Variants in SVEP1 observed in about 807,000 individuals in gnomAD.
SVEP1 encodes sushi, von Willebrand factor type A, EGF and pentraxin domain-containing protein 1.
Under a neutral mutation model 367.3 loss-of-function variants are expected in SVEP1, and 164 were observed. The ratio of observed to expected loss-of-function variants is 0.45; its 90% CI spans 0.39 to 0.51. The LOEUF (loss-of-function observed/expected upper bound fraction) is 0.51, where lower values mean the gene tolerates loss of function less well. Among genes scored for constraint, SVEP1 ranks in the 20% least tolerant of loss-of-function variants. SVEP1 has a pLI of 0.00. For synonymous variants in SVEP1, 1,666 were observed against 1,611.6 expected (o/e 1.03, Z -0.81); for missense variants, 4,117 against 4,425.3 (o/e 0.93, Z 1.98).
At chr9:110,457,427 G>T in intron 20 of SVEP1, 75 bp from the exon 21 acceptor site, 1 of 1,195,966 alleles carries the variant, frequency 8.4e-7, no homozygotes, top group Non-Finnish European at 1.2e-6. Context: ...TTAGAGTCAG[G>T]TTTGCAACAT....
intron 17 of SVEP1, among the ~76,000 whole-genome samples, chr9:110,467,562 G>C (rs1828956058): frequency 6.6e-6 from 1 of 152,016 alleles, no homozygotes; most frequent in Non-Finnish European, 1.5e-5. Flanking sequence ...CGTACCCCTG[G>C]GGCTGTTCTA....
At chr9:110,559,706 T>C (rs56801941) in intron 1 of SVEP1, among the ~76,000 whole-genome samples, 16,286 of 152,116 alleles carry the variant, frequency 0.11, 1,079 homozygotes, top group East Asian at 0.33. Context: ...CAGCTAAGAA[T>C]ATGTTAAGGA....
chr9:110,436,556 T>C, intron 27 of SVEP1, 52 bp from the exon 28 acceptor site: 2 of 1,567,138 alleles, frequency 1.3e-6, no homozygotes, highest in South Asian at 2.3e-5. Context: ...TGATGGTCTG[T>C]TATTCCTAAA....
intron 23 of SVEP1, among the ~76,000 whole-genome samples, chr9:110,451,083 T>C (rs1588059729): frequency 1.3e-5 from 2 of 152,144 alleles, no homozygotes; most frequent in South Asian, 4.1e-4. Context: ...TGCTGAACCA[T>C]TTGAGAGTAA....
At chr9:110,456,000 A>G (rs1207594856) in intron 21 of SVEP1, among the ~76,000 whole-genome samples, 1 of 152,198 alleles carries the variant, frequency 6.6e-6, no homozygotes, top group Non-Finnish European at 1.5e-5. Flanking sequence ...GCTAATTTCA[A>G]AGTGAAAGTT....
rs556908000 is a variant in SVEP1, at chr9:110,497,724, A to G, written c.1682-791T>C. ...TGAATTAGACGTGCTAACGTTACAC[A>G]GATGCACGCCAGTTATGGTAGTGCT... On this transcript the variant is annotated intron_variant, in intron 7 of 47. Coordinates refer to ENST00000374469, the MANE Select transcript of SVEP1 (RefSeq NM_153366.4). Among the ~76,000 whole-genome samples the G allele has an allele frequency of 2.6e-5, 4 of 152,384 alleles. No individual in the cohort carries two copies. The South Asian group carries it at 8.3e-4, about 32-fold the overall frequency.
Position 110,482,479 on chromosome 9 carries a change from G to T in SVEP1, c.2052C>A (p.Val684=). Residue 684 remains valine (V), a synonymous_variant, in exon 11 of 48, where the codon GTC becomes GTA. Transcript: ENST00000374469. ...QFSDNSGAEL[V]ITRSHTQGDL... ...CTCCTTGTGTATGACTTCTGGTAAT[G>T]ACCAATTCAGCCCCTGGAAAGGAAA... is the stretch of plus-strand genomic sequence containing the variant. The T allele has an allele frequency of 6.4e-7, 1 of 1,572,262 alleles. No individual in the cohort carries two copies. The highest frequency in any genetic ancestry group is 1.2e-5 in the South Asian group (1 of 86,184).
At chr9:110,575,584 C>T (rs2118891898) in intron 1 of SVEP1, among the ~76,000 whole-genome samples, 1 of 152,214 alleles carries the variant, frequency 6.6e-6, no homozygotes, top group East Asian at 1.9e-4. Flanking sequence ...CTATTTATCT[C>T]TTAAAGGCAA....
chr9:110,543,616 T>C (rs10122923), intron 3 of SVEP1, among the ~76,000 whole-genome samples: 8 of 152,300 alleles, frequency 5.3e-5, no homozygotes, highest in African/African-American at 1.9e-4. Context: ...AAAATTCTAG[T>C]GCTGTGGAAC....
chr9:110,394,642 C>A (rs1478629254), intron 40 of SVEP1, among the ~76,000 whole-genome samples: 1 of 152,096 alleles, frequency 6.6e-6, no homozygotes, highest in Non-Finnish European at 1.5e-5. Context: ...ATAACCAATG[C>A]AGAGAAGTCC....
intron 3 of SVEP1, among the ~76,000 whole-genome samples, chr9:110,522,684 T>C (rs999377867): frequency 6.6e-6 from 1 of 152,142 alleles, no homozygotes; most frequent in Admixed American, 6.6e-5. Context: ...TGAGTGTAGT[T>C]TGGTGTTTAT....
rs887298450 is a variant in SVEP1 at position 110,381,899 on chromosome 9, A to G, written c.10238-2382T>C. Among the ~76,000 whole-genome samples, 8 of 152,302 alleles carry G rather than the reference A, an allele frequency of 5.3e-5. No homozygotes were observed. In the South Asian group the frequency reaches 6.2e-4, roughly 12 times the overall value. ...TACTGGGTGCCTATATATTTAGGAT[A>G]GTTAGTTCTTCTTCTTGAATTGAAC... is the stretch of plus-strand genomic sequence containing the variant. On this transcript the variant is annotated intron_variant, in intron 43 of 47. Transcript: ENST00000374469.
intron 22 of SVEP1, among the ~76,000 whole-genome samples, chr9:110,452,230 C>T (rs1828704973): frequency 6.6e-6 from 1 of 152,098 alleles, no homozygotes; most frequent in Admixed American, 6.5e-5. Context: ...CTTGTTTTTT[C>T]ACAGTAAACC....
intron 5 of SVEP1, among the ~76,000 whole-genome samples, chr9:110,508,760 C>CAAAAAAAAAAAA (rs11316319): frequency 9.9e-4 from 76 of 76,458 alleles, no homozygotes; most frequent in Non-Finnish European, 1.2e-3. Flanking sequence ...GACTCCATCT[C>CAAAAAAAAAAAA]AAAAAAAAAA....
At chr9:110,416,850 T>C (rs539715014) in intron 36 of SVEP1, among the ~76,000 whole-genome samples, 3 of 152,188 alleles carry the variant, frequency 2.0e-5, no homozygotes, top group South Asian at 4.1e-4. Flanking sequence ...TACTTCTTAG[T>C]TGTGGAGGAC....
At chr9:110,456,284 A>C (rs118065167) in intron 21 of SVEP1, among the ~76,000 whole-genome samples, 2,712 of 152,330 alleles carry the variant, frequency 0.018, 35 homozygotes, top group Non-Finnish European at 0.028. Context: ...CTGGGGCTGG[A>C]GTCCAGCAAT....
At chr9:110,562,378 A>T (rs1830443351) in intron 1 of SVEP1, among the ~76,000 whole-genome samples, 1 of 152,306 alleles carries the variant, frequency 6.6e-6, no homozygotes, top group Admixed American at 6.5e-5. Flanking sequence ...CTATCATTTC[A>T]GTTGACATGT....
chr9:110,378,044 T>C (rs1361598238), intron 44 of SVEP1, among the ~76,000 whole-genome samples: 1 of 152,204 alleles, frequency 6.6e-6, no homozygotes, highest in Non-Finnish European at 1.5e-5. Flanking sequence ...AATGGCAGGA[T>C]TTTCTTCTTT....
intron 30 of SVEP1, among the ~76,000 whole-genome samples, 187 bp from the exon 31 acceptor site, chr9:110,432,822 T>C (rs1220684930): frequency 6.6e-6 from 1 of 152,202 alleles, no homozygotes; most frequent in Non-Finnish European, 1.5e-5. Flanking sequence ...TGGCTCACAG[T>C]AGGCATGCAA....
Sources: gnomAD v4.1 joint callset for allele counts (sites outside exome capture counted in the v4.1 genomes callset) on GRCh38, gnomAD v4.1.1 for gene constraint, MANE v1.5 for transcripts, NCBI Gene and HGNC (gene_info 2026-07-23, HGNC 2026-07-21) for gene names.